ADNP2: variants seen among roughly 807,000 people sequenced by gnomAD.
ADNP2 encodes the protein ADNP homeobox 2, also known as activity-dependent neuroprotector homeobox protein 2.
ADNP2 carries 8 observed loss-of-function variants against 16.4 expected under a neutral mutation model. The ratio of observed to expected loss-of-function variants is 0.49; its 90% CI spans 0.29 to 0.88. The LOEUF (loss-of-function observed/expected upper bound fraction) is 0.88. Ranked by LOEUF, ADNP2 falls within the 40% of genes least tolerant of loss-of-function variation. The pLI is 0.09. For synonymous variants in ADNP2, 637 were observed against 545.8 expected, an observed-to-expected ratio of 1.17 and a Z score of -2.33; for missense variants, 1,397 against 1,395.1, an observed-to-expected ratio of 1.00 and a Z score of -0.02.
chr18:80,117,797 T>C (rs1436668389), intron 2 of ADNP2, 147 bp downstream of exon 2: 1 of 588,020 alleles, frequency 1.7e-6, no homozygotes, highest in East Asian at 3.3e-5. Flanking sequence ...TTTATGTCTT[T>C]ATGACATAAA....
In ADNP2 at chr18:80,138,674, G is replaced by T. The variant is rs1257910413; in HGVS notation, c.3261G>T (p.Val1087=). 3.7e-6 allele frequency: 6 copies of T among 1,612,380 alleles called. No individual in the cohort carries two copies. The South Asian group carries it at 5.5e-5, about 15-fold the overall frequency. The change falls in exon 4 of 4, where the codon GTG becomes GTT. Residue 1087 remains valine, a synonymous_variant. Coordinates refer to ENST00000262198, the MANE Select transcript of ADNP2 (RefSeq NM_014913.4). The part of the protein sequence containing the change: ...SSLFWVWKID[V]ASFFGKRRYI... ...TCTTTTGGGTGTGGAAAATTGATGT[G>T]GCTTCATTTTTTGGAAAAAGAAGGT...
At chr18:80,115,007 T>G (rs2052380415) in intron 1 of ADNP2, among the ~76,000 whole-genome samples, 1 of 152,176 alleles carries the variant, frequency 6.6e-6, no homozygotes, top group African/African-American at 2.4e-5. Flanking sequence ...TCTCATGGCA[T>G]TATTTCCTCC....
At chr18:80,109,568 C>T (rs2145185394) in intron 1 of ADNP2, 96 bp downstream of exon 1, 1 of 148,468 alleles carries the variant, frequency 6.7e-6, no homozygotes, top group East Asian at 2.0e-4. Flanking sequence ...AGCCCCGCCC[C>T]CGCCGGTACC....
intron 2 of ADNP2, among the ~76,000 whole-genome samples, chr18:80,128,785 C>T (rs2052476814): frequency 6.6e-6 from 1 of 151,150 alleles, no homozygotes; most frequent in South Asian, 2.1e-4. Context: ...TTTTCTGTAG[C>T]TTTTTTTTTA....
At position 80,136,273 on chromosome 18, in the gene ADNP2, C is replaced by G. The variant is rs746538568; in HGVS notation, c.860C>G (p.Ala287Gly). The change falls in exon 4 of 4, where the codon GCG becomes GGG. Residue 287 changes from alanine to glycine, a missense_variant. This residue lies in a region of ADNP2 where 777 missense variants were observed against 719.4 expected (regional missense o/e 1.08). Coordinates refer to ENST00000262198, the MANE Select transcript of ADNP2 (RefSeq NM_014913.4). The stretch of plus-strand genomic sequence containing the variant: ...AATGGCAGTGCTCCAAGCGCTCCAG[C>G]GCAGCCTCCTTGCTTCCATCTTGCT... ...PANGSAPSAP[A>G]QPPCFHLALP... 6.2e-7 allele frequency: 1 copy of G among 1,613,874 alleles called. No individual in the cohort carries two copies.
chr18:80,138,889 CTG>C lies in ADNP2; in HGVS notation c.*84_*85del. On this transcript the variant is annotated 3_prime_UTR_variant, in exon 4 of 4. Coordinates refer to ENST00000262198, the MANE Select transcript of ADNP2 (RefSeq NM_014913.4). ...TTGAAATTTCACAGTGTTGTCCTCA[CTG>C]TGTTGGTGAATCAACCTCAGTGGTC... 1 of 1,299,254 alleles carries C rather than the reference CTG, an allele frequency of 7.7e-7. No homozygotes were observed. Among genetic ancestry groups the C allele is most frequent in the Non-Finnish European group, 1.0e-6 (1 of 979,054 alleles). The allele number at this position is 1,299,254 out of a possible 1,614,324, so 80.5% of individuals were successfully genotyped here. A position where few individuals can be genotyped will look rare whatever the true frequency, so the allele number is the denominator to read the frequency against.
chr18:80,122,793 G>A (rs1277289208), intron 2 of ADNP2, among the ~76,000 whole-genome samples: 2 of 152,060 alleles, frequency 1.3e-5, no homozygotes, highest in African/African-American at 4.8e-5. Flanking sequence ...TTTCAGTTAC[G>A]ATGCCTTTTA....
Position 80,138,088 on chromosome 18 carries a change from T to G in ADNP2, c.2675T>G (p.Leu892Arg). The change falls in exon 4 of 4, where the codon CTG becomes CGG. Residue 892 changes from leucine (L) to arginine (R), a missense_variant. Around this residue, in one of 3 missense-constraint regions of ADNP2, gnomAD observed 611 missense variants for 648.7 expected, o/e 0.94. Transcript: ENST00000262198. ...GPFVTTEAYELHLKERHHIMP... is the reference protein window; with the variant it reads ...GPFVTTEAYERHLKERHHIMP... Reference sequence around the variant, plus strand: ...TTTGTGACAACTGAGGCCTATGAGCTGCATTTGAAGGAGAGGCACCACATC... The same window carrying G: ...TTTGTGACAACTGAGGCCTATGAGCGGCATTTGAAGGAGAGGCACCACATC... 1 of 1,613,902 alleles carries G rather than the reference T, an allele frequency of 6.2e-7. No homozygotes were observed.
Position 80,137,395 on chromosome 18 carries a change from C to G in ADNP2, c.1982C>G (p.Ser661Cys), listed in dbSNP as rs755417811. Residue 661 changes from serine (S) to cysteine (C), a missense_variant, in exon 4 of 4, where the codon TCT (serine) becomes TGT (cysteine). Ser to Cys is a moderately radical substitution (Grantham distance 112). Coordinates refer to ENST00000262198, the MANE Select transcript of ADNP2 (RefSeq NM_014913.4). The surrounding 1 kb of genome is among the most constrained non-coding windows in gnomAD (Gnocchi z 4.2). ...GCCGGTTCCATGCCCGGCATGCCCT[C>G]TCCTCCAGTGCTGGTGAATGCTGCT... is the stretch of plus-strand genomic sequence containing the variant. ...PMAGSMPGMP[S>C]PPVLVNAAQS... The G allele has an allele frequency of 6.2e-7, 1 of 1,614,218 alleles. No individual in the cohort carries two copies.
Position 80,117,538 on chromosome 18 carries a change from C to T in ADNP2, c.-5C>T. The T allele has an allele frequency of 1.9e-6, 3 of 1,583,178 alleles. No individual in the cohort carries two copies. The highest frequency in any genetic ancestry group is 2.6e-6 in the Non-Finnish European group (3 of 1,169,102). On this transcript the variant is annotated 5_prime_UTR_variant, in exon 2 of 4. Coordinates refer to ENST00000262198, the MANE Select transcript of ADNP2 (RefSeq NM_014913.4). ...TTTTCTTTCCTTTTAAGGAAAATTT[C>T]AAAAATGTTTCAAATTCCTGTGGAA...
intron 2 of ADNP2, among the ~76,000 whole-genome samples, chr18:80,118,675 C>T (rs551470381): frequency 6.6e-6 from 1 of 152,172 alleles, no homozygotes; most frequent in South Asian, 2.1e-4. Flanking sequence ...GTTTTTCATC[C>T]TAGAGTCCTT....
In ADNP2 at chr18:80,136,877, T is replaced by C. The variant is rs752759580; in HGVS notation, c.1464T>C (p.Pro488=). The C allele has an allele frequency of 1.2e-6, 2 of 1,614,146 alleles. No individual in the cohort carries two copies. Among genetic ancestry groups the C allele is most frequent in the Admixed American group, 1.7e-5 (1 of 60,032 alleles). ...AGATGGTCCAGTCAGGAGTTCTCCC[T>C]GTGGGCCAGACAGCTCCGTCACGGG... ...TGQMVQSGVL[P]VGQTAPSRVL... The change falls in exon 4 of 4, where the codon CCT becomes CCC. Residue 488 remains proline (P), a synonymous_variant. Coordinates refer to ENST00000262198, the MANE Select transcript of ADNP2 (RefSeq NM_014913.4).
chr18:80,136,658 G>A lies in ADNP2; in HGVS notation c.1245G>A (p.Gly415=), dbSNP rs1413783829. 14 of 1,613,580 alleles carry A rather than the reference G, an allele frequency of 8.7e-6. No individual in the cohort carries two copies. The highest frequency in any genetic ancestry group is 4.0e-5 in the African/African-American group (3 of 74,914). The change falls in exon 4 of 4, where the codon GGG becomes GGA. Residue 415 remains glycine, a synonymous_variant. Coordinates refer to ENST00000262198, the MANE Select transcript of ADNP2 (RefSeq NM_014913.4). ...QPVGPINRPV[G]PGVLPVSPSV... is the part of the protein sequence containing the mutation. ...TGGGACCCATAAACAGACCTGTTGG[G>A]CCTGGTGTTCTTCCTGTGAGCCCCT...
intron 1 of ADNP2, among the ~76,000 whole-genome samples, chr18:80,113,598 C>A (rs903188196): frequency 2.6e-5 from 4 of 152,166 alleles, no homozygotes; most frequent in Non-Finnish European, 5.9e-5. Context: ...GCATATCTTA[C>A]GGTTCTTATC....
Position 80,133,138 on chromosome 18 carries a change from T to C in ADNP2, c.144T>C (p.Phe48=). The C allele has an allele frequency of 6.2e-7, 1 of 1,612,754 alleles. No individual in the cohort carries two copies. Among genetic ancestry groups the C allele is most frequent in the Non-Finnish European group, 8.5e-7 (1 of 1,179,528 alleles). Residue 48 remains phenylalanine, a synonymous_variant, in exon 3 of 4, where the codon TTT becomes TTC. Transcript: ENST00000262198. The part of the protein sequence containing the change: ...LKGFDPGEKY[F]HNTSWGDVSL... ...GCTTTGATCCAGGAGAGAAATACTT[T>C]CATAACACATCATGGGGTGATGTTT...
At chr18:80,112,256 C>T (rs1599801023) in intron 1 of ADNP2, among the ~76,000 whole-genome samples, 1 of 152,088 alleles carries the variant, frequency 6.6e-6, no homozygotes, top group African/African-American at 2.4e-5. Flanking sequence ...ATAAATTATG[C>T]TATAAGAATG....
At chr18:80,134,191 GC>G (rs2052516336) in intron 3 of ADNP2, among the ~76,000 whole-genome samples, 1 of 151,988 alleles carries the variant, frequency 6.6e-6, no homozygotes, top group Non-Finnish European at 1.5e-5. Context: ...TGAATAGCAA[GC>G]CCCATTGATT....
chr18:80,117,216 G>A (rs1866462071), intron 1 of ADNP2, among the ~76,000 whole-genome samples: 1 of 151,856 alleles, frequency 6.6e-6, no homozygotes. Flanking sequence ...TTCATTACTG[G>A]TGCTTTTTGG....
At chr18:80,134,412 TGTGTGTGAGA>T (rs1306786442) in intron 3 of ADNP2, among the ~76,000 whole-genome samples, 14 of 145,304 alleles carry the variant, frequency 9.6e-5, no homozygotes, top group Admixed American at 2.1e-4. Context: ...TGTGTGTGTG[TGTGTGTGAGA>T]GAGAGTGATA....
Sources: gnomAD v4.1 joint callset for allele counts (sites outside exome capture counted in the v4.1 genomes callset) on GRCh38, gnomAD v4.1.1 for gene constraint, gnomAD v4.1.1 regional missense constraint, Gnocchi (gnomAD v3.1) non-coding constraint, MANE v1.5 for transcripts, NCBI Gene and HGNC (gene_info 2026-07-23, HGNC 2026-07-21) for gene names.